The following SLC35F1 variants were observed in gnomAD, a reference collection of about 807,000 sequenced individuals.
SLC35F1 encodes solute carrier family 35 member F1, also known as chromosome 6 open reading frame 169.
A neutral mutation model predicts 48.7 loss-of-function variants in SLC35F1; 14 were observed. The observed-to-expected ratio is 0.29, with a 90% CI of 0.19 to 0.45. SLC35F1 has a LOEUF of 0.45. Among genes scored for constraint, SLC35F1 ranks in the 20% least tolerant of loss-of-function variants. The pLI is 1.00. For synonymous variants in SLC35F1, 190 were observed against 202.2 expected, an observed-to-expected ratio of 0.94 and a Z score of 0.51; for missense variants, 404 against 500.0, an observed-to-expected ratio of 0.81 and a Z score of 1.83.
At chr6:118,009,698 A>G (rs1777220395) in intron 1 of SLC35F1, among the ~76,000 whole-genome samples, 1 of 152,036 alleles carries the variant, frequency 6.6e-6, no homozygotes, top group South Asian at 2.1e-4. Flanking sequence ...TTGTGTTGCC[A>G]TTTTCTAGTG....
chr6:117,915,501 G>A (rs1047325886), intron 1 of SLC35F1, among the ~76,000 whole-genome samples: 1 of 152,148 alleles, frequency 6.6e-6, no homozygotes, highest in African/African-American at 2.4e-5. Context: ...AATATGTGCA[G>A]GGAGAGGGAG....
chr6:118,259,703 TC>T (rs895058192), intron 3 of SLC35F1, among the ~76,000 whole-genome samples: 58 of 18,696 alleles, frequency 3.1e-3, no homozygotes, highest in African/African-American at 4.7e-3. Context: ...ATAGCAAAAA[TC>T]AAAAAAAAAA....
intron 1 of SLC35F1, among the ~76,000 whole-genome samples, chr6:118,070,405 C>G (rs1000733772): frequency 6.6e-6 from 1 of 151,972 alleles, no homozygotes; most frequent in Admixed American, 6.6e-5. Context: ...GTCAAGGAGC[C>G]GAAGTCTGCT....
chr6:118,251,948 G>A (rs142488805), intron 3 of SLC35F1, among the ~76,000 whole-genome samples: 13 of 152,222 alleles, frequency 8.5e-5, no homozygotes, highest in African/African-American at 2.2e-4. Flanking sequence ...AGTAAAATAC[G>A]CATAGATATG....
intron 5 of SLC35F1, among the ~76,000 whole-genome samples, chr6:118,275,839 T>A (rs1295551501): frequency 6.6e-6 from 1 of 152,182 alleles, no homozygotes. Context: ...TTATAAAACA[T>A]TGTAAATAAT....
At chr6:118,027,932 T>A (rs1771982457) in intron 1 of SLC35F1, among the ~76,000 whole-genome samples, 1 of 152,102 alleles carries the variant, frequency 6.6e-6, no homozygotes, top group African/African-American at 2.4e-5. Context: ...GTTCTTTCCC[T>A]AACCCAAGGG....
intron 2 of SLC35F1, among the ~76,000 whole-genome samples, chr6:118,182,841 T>C (rs1431802204): frequency 1.3e-5 from 2 of 152,234 alleles, no homozygotes; most frequent in Middle Eastern, 3.2e-3. Flanking sequence ...ATGTAGTCAA[T>C]ACTTTTATAG....
At chr6:118,003,147 T>G (rs1181801200) in intron 1 of SLC35F1, among the ~76,000 whole-genome samples, 1 of 152,196 alleles carries the variant, frequency 6.6e-6, no homozygotes, top group Non-Finnish European at 1.5e-5. Context: ...TTATAAAATA[T>G]CATTGAAATC....
At chr6:118,295,923 CT>C (rs1458666073) in intron 7 of SLC35F1, among the ~76,000 whole-genome samples, 1 of 152,188 alleles carries the variant, frequency 6.6e-6, no homozygotes, top group East Asian at 1.9e-4. Context: ...TTGACTTTGG[CT>C]TTCCCCTGCA....
intron 1 of SLC35F1, among the ~76,000 whole-genome samples, chr6:118,105,088 T>C (rs1426121863): frequency 6.6e-6 from 1 of 152,214 alleles, no homozygotes; most frequent in African/African-American, 2.4e-5. Flanking sequence ...CTTGCATCTG[T>C]GGTTCCTCAG....
chr6:118,316,156 A>G lies in SLC35F1; in HGVS notation c.*1904A>G, dbSNP rs1776434656. ...AATCTGGCAGGCAAAAGCATCCCAC[A>G]CTGTCTGTCAGCACCCACATGGCCT... On this transcript the variant is annotated 3_prime_UTR_variant, in exon 8 of 8. Coordinates refer to ENST00000360388, the MANE Select transcript of SLC35F1 (RefSeq NM_001029858.4). The G allele has an allele frequency of 6.6e-6, 1 of 152,220 alleles. No individual in the cohort carries two copies. The highest frequency in any genetic ancestry group is 1.5e-5 in the Non-Finnish European group (1 of 68,036). The allele number at this position is 152,220 out of a possible 1,614,324, so 9.4% of individuals were successfully genotyped here.
chr6:118,237,038 T>C (rs757008215), intron 3 of SLC35F1, among the ~76,000 whole-genome samples: 6 of 152,202 alleles, frequency 3.9e-5, no homozygotes, highest in African/African-American at 7.2e-5. Flanking sequence ...ACAAAATGCC[T>C]CCATGCACAA....
At position 117,964,996 on chromosome 6, in the gene SLC35F1, C is replaced by T. The variant is rs117584616; in HGVS notation, c.173+57097C>T. Among the ~76,000 whole-genome samples the T allele has an allele frequency of 5.3e-3, 806 of 152,186 alleles. 2 individuals are homozygous for T. The highest frequency in any genetic ancestry group is 0.01 in the Middle Eastern group (3 of 294). On this transcript the variant is annotated intron_variant, in intron 1 of 7. Coordinates refer to ENST00000360388, the MANE Select transcript of SLC35F1 (RefSeq NM_001029858.4). ...GAGGAGTTGGCCAACAGGAAGGAGA[C>T]GGTCACTTAGGCAATCATAATGAGT...
chr6:118,276,801 G>T (rs1775923361), intron 5 of SLC35F1, among the ~76,000 whole-genome samples: 1 of 152,170 alleles, frequency 6.6e-6, no homozygotes, highest in African/African-American at 2.4e-5. Flanking sequence ...CCCTTTGGGG[G>T]ACAATGCCAC....
intron 1 of SLC35F1, among the ~76,000 whole-genome samples, chr6:118,092,877 A>T (rs1773095281): frequency 6.6e-6 from 1 of 152,198 alleles, no homozygotes; most frequent in South Asian, 2.1e-4. Context: ...GTATCTAGGA[A>T]GTAACTAACT....
chr6:118,294,721 G>A (rs1776163079), intron 7 of SLC35F1, among the ~76,000 whole-genome samples: 1 of 152,106 alleles, frequency 6.6e-6, no homozygotes, highest in Non-Finnish European at 1.5e-5. Flanking sequence ...ACAGGCTGAA[G>A]CCACAGACCA....
chr6:118,275,050 C>T (rs1582764838), intron 4 of SLC35F1, among the ~76,000 whole-genome samples: 1 of 152,122 alleles, frequency 6.6e-6, no homozygotes, highest in African/African-American at 2.4e-5. Context: ...GTGGCAGGTG[C>T]CTGTAATCTC....
chr6:118,285,396 G>A (rs1776037269), intron 7 of SLC35F1, 58 bp downstream of exon 7: 1 of 1,587,894 alleles, frequency 6.3e-7, no homozygotes, highest in African/African-American at 1.3e-5. Context: ...CAATGAACAT[G>A]GGTAGGAATG....
intron 2 of SLC35F1, among the ~76,000 whole-genome samples, chr6:118,205,685 T>A (rs964963901): frequency 6.6e-5 from 10 of 152,304 alleles, no homozygotes; most frequent in Non-Finnish European, 1.0e-4. Context: ...AAACAGGTAT[T>A]TGTATACCAA....
Sources: allele counts gnomAD v4.1 joint callset (sites outside exome capture counted in the v4.1 genomes callset), GRCh38; gene constraint gnomAD v4.1.1; transcripts MANE v1.5; gene names NCBI Gene and HGNC (gene_info 2026-07-23, HGNC 2026-07-21).